Variants in TRIM49 observed in about 807,000 individuals in gnomAD.
The protein encoded by TRIM49 is tripartite motif-containing protein 49.
TRIM49 carries 5 observed loss-of-function variants against 27.4 expected under a neutral mutation model. That is an observed-to-expected ratio of 0.18 (90% CI 0.10 to 0.38). The LOEUF is 0.38. Among genes scored for constraint, TRIM49 ranks in the 10% least tolerant of loss-of-function variants. The pLI, the probability that TRIM49 is intolerant of heterozygous loss-of-function variation, is 1.00. For synonymous variants in TRIM49, 69 were observed against 166.0 expected, an observed-to-expected ratio of 0.42 and a Z score of 4.49; for missense variants, 188 against 487.5, an observed-to-expected ratio of 0.39 and a Z score of 5.79.
chr11:89,773,983 G>C, the TRIM49 span, among the ~76,000 whole-genome samples: 1 of 128,232 alleles, frequency 7.8e-6, no homozygotes, highest in Non-Finnish European at 1.6e-5. Context: ...TGAAATAATT[G>C]TTGTATTTAA....
At chr11:89,773,590 C>T in the TRIM49 span, among the ~76,000 whole-genome samples, 2 of 133,446 alleles carry the variant, frequency 1.5e-5, no homozygotes, top group South Asian at 2.4e-4. Context: ...AGACAAATAA[C>T]GGCTAGGCAC....
At chr11:89,784,009 T>A in the TRIM49 span, among the ~76,000 whole-genome samples, 1 of 140,228 alleles carries the variant, frequency 7.1e-6, no homozygotes, top group East Asian at 2.2e-4. Flanking sequence ...CACCTGGTGT[T>A]TTTCACAATG....
At chr11:89,783,522 A>T in the TRIM49 span, among the ~76,000 whole-genome samples, 67 of 121,422 alleles carry the variant, frequency 5.5e-4, 4 homozygotes, top group African/African-American at 2.3e-3. Flanking sequence ...CAATTGTCTT[A>T]GGTTTTTTAA....
rs368453739 is a variant in TRIM49, at chr11:89,804,164, T to C, written c.306A>G (p.Ile102Met). 830 of 1,606,840 alleles carry C rather than the reference T, an allele frequency of 5.2e-4. 1 individual carries two copies. The African/African-American group carries it at 8.2e-3, about 16-fold the overall frequency. The change falls in exon 3 of 8, where the codon ATA (isoleucine) becomes ATG (methionine). Residue 102 changes from isoleucine to methionine, a missense_variant. Physicochemically the swap from Ile to Met is conservative, Grantham distance 10 (BLOSUM62 1). Coordinates refer to ENST00000329758, the MANE Select transcript of TRIM49 (RefSeq NM_020358.2). Reference sequence around the variant, plus strand: ...GCAGGCTCCTGTCCACTTCACAGAATATCTTCTTTGTCTCCCTGTGAGTGC... The same window carrying C: ...GCAGGCTCCTGTCCACTTCACAGAACATCTTCTTTGTCTCCCTGTGAGTGC... ...MCGTHRETKK[I>M]FCEVDRSLLC... is the part of the protein sequence containing the mutation.
At chr11:89,792,655 A>G (rs1395882952), downstream of TRIM49, among the ~76,000 whole-genome samples, 2 of 152,180 alleles carry the variant, frequency 1.3e-5, no homozygotes, top group South Asian at 2.1e-4. Flanking sequence ...CCGGGTACAT[A>G]ACGAAATGAA....
chr11:89,792,848 A>G (rs1318427709), downstream of TRIM49, among the ~76,000 whole-genome samples: 2 of 152,152 alleles, frequency 1.3e-5, no homozygotes, highest in African/African-American at 2.4e-5. Context: ...GAGAAGCAAG[A>G]GCAAACACAT....
chr11:89,796,016 A>G (rs1230321190), downstream of TRIM49, among the ~76,000 whole-genome samples: 1 of 151,830 alleles, frequency 6.6e-6, no homozygotes, highest in Admixed American at 6.6e-5. Context: ...ACATGAGACT[A>G]TTCATAGCAG....
chr11:89,791,110 A>T, the TRIM49 span, among the ~76,000 whole-genome samples: 1 of 150,990 alleles, frequency 6.6e-6, no homozygotes, highest in African/African-American at 2.5e-5. Context: ...CACAATCTTC[A>T]GTAGCTGATT....
chr11:89,766,812 A>G, the TRIM49 span: 6 of 1,292,304 alleles, frequency 4.6e-6, 1 homozygote, highest in East Asian at 9.9e-5. Context: ...CACACATAAA[A>G]GAAGAAATAT....
chr11:89,777,025 C>T, the TRIM49 span: 1 of 1,547,656 alleles, frequency 6.5e-7, no homozygotes, highest in Non-Finnish European at 8.7e-7. Context: ...AGCTCATTTG[C>T]TGCATTTGCG....
intron 4 of TRIM49, among the ~76,000 whole-genome samples, chr11:89,803,110 A>C (rs369522050): frequency 0.02 from 2,981 of 149,110 alleles, 42 homozygotes; most frequent in East Asian, 0.055. Context: ...TTTAGATACT[A>C]GTTCCCATAT....
At chr11:89,775,106 T>C in the TRIM49 span, among the ~76,000 whole-genome samples, 4 of 115,602 alleles carry the variant, frequency 3.5e-5, no homozygotes, top group Admixed American at 8.9e-5. Context: ...CGGCTGGGCA[T>C]GATGGCTTAT....
chr11:89,792,521 G>T, the TRIM49 span, among the ~76,000 whole-genome samples: 6,198 of 150,582 alleles, frequency 0.041, 7 homozygotes, highest in East Asian at 0.085. Flanking sequence ...AAATGTAAAA[G>T]AACAGAAATT....
Position 89,798,544 on chromosome 11 carries a change from A to T in TRIM49, c.945T>A (p.His315Gln), listed in dbSNP as rs1422506466. The change falls in exon 8 of 8, where the codon CAT (histidine) becomes CAA (glutamine). Residue 315 changes from histidine (H) to glutamine (Q), a missense_variant. His to Gln is a conservative substitution (Grantham distance 24, BLOSUM62 0). Transcript: ENST00000329758. Reference protein sequence around the residue: ...ILRSMCIGCDHQDVPYFTATP... With the variant: ...ILRSMCIGCDQQDVPYFTATP... ...TTGCAGTGAAATAGGGTACATCTTG[A>T]TGGTCACATCCAATACACATGCTTC... The T allele has an allele frequency of 3.8e-6, 6 of 1,569,348 alleles. No homozygotes were observed. The South Asian group carries it at 6.7e-5, about 18-fold the overall frequency.
At position 89,798,665 on chromosome 11, in the gene TRIM49, A is replaced by C. The variant is rs1278872810; in HGVS notation, c.860-36T>G. The C allele has an allele frequency of 4.1e-6, 6 of 1,473,858 alleles. No homozygotes were observed. The Admixed American group carries it at 1.4e-4, about 34-fold the overall frequency. The allele number at this position is 1,473,858 out of a possible 1,614,324, so 91.3% of individuals were successfully genotyped here. ...AAAAAAAAAGAAAACATGCATAGACATGTGTAAATAAGAAAAAAATAATTG... is the reference window on the plus strand; with the variant it reads ...AAAAAAAAAGAAAACATGCATAGACCTGTGTAAATAAGAAAAAAATAATTG... On this transcript the variant is annotated intron_variant, in intron 7 of 7. Coordinates refer to ENST00000329758, the MANE Select transcript of TRIM49 (RefSeq NM_020358.2).
chr11:89,769,169 ACT>A, the TRIM49 span, among the ~76,000 whole-genome samples: 1 of 129,214 alleles, frequency 7.7e-6, no homozygotes, highest in Admixed American at 7.0e-5. Flanking sequence ...TTGACAGAAG[ACT>A]CTGTCTCAAA....
intron 2 of TRIM49, among the ~76,000 whole-genome samples, chr11:89,806,807 T>TAC (rs1196105548): frequency 2.0e-5 from 3 of 148,682 alleles, no homozygotes. Flanking sequence ...TACATACATA[T>TAC]ACACACACAC....
chr11:89,805,003 C>T (rs1269580842), intron 2 of TRIM49, among the ~76,000 whole-genome samples: 1 of 151,248 alleles, frequency 6.6e-6, no homozygotes, highest in African/African-American at 2.4e-5. Context: ...GCAAGTCCTG[C>T]AGTTATCCCA....
At chr11:89,790,751 G>A in the TRIM49 span, among the ~76,000 whole-genome samples, 4 of 151,678 alleles carry the variant, frequency 2.6e-5, no homozygotes, top group Non-Finnish European at 4.4e-5. Context: ...CCATCTGTAC[G>A]TCACCAGCAT....
Sources: gnomAD v4.1 joint callset for allele counts (sites outside exome capture counted in the v4.1 genomes callset) on GRCh38, gnomAD v4.1.1 for gene constraint, MANE v1.5 for transcripts, NCBI Gene and HGNC (gene_info 2026-07-23, HGNC 2026-07-21) for gene names.